Variants in ACSM4 observed in about 807,000 individuals in gnomAD.
ACSM4 encodes the protein acyl-CoA synthetase medium chain family member 4.
Under a neutral mutation model 73.0 loss-of-function variants are expected in ACSM4, and 66 were observed. The observed-to-expected ratio is 0.90, with a 90% CI of 0.74 to 1.11. The LOEUF (loss-of-function observed/expected upper bound fraction) is 1.11, where lower values mean the gene tolerates loss of function less well. ACSM4 is among the 50% of genes least tolerant of loss of function. The pLI, the probability that ACSM4 is intolerant of heterozygous loss-of-function variation, is 0.00. For missense variants in ACSM4, 645 were observed against 714.4 expected (o/e 0.90, Z 1.11); for synonymous variants, 222 against 254.0 (o/e 0.87, Z 1.20).
intron 11 of ACSM4, 100 bp from the exon 12 acceptor site, chr12:7,326,876 G>C: frequency 7.6e-7 from 1 of 1,319,476 alleles, no homozygotes; most frequent in Non-Finnish European, 1.0e-6. Context: ...CACACAAACT[G>C]TTATTAATAA....
At chr12:7,312,174 A>G in intron 3 of ACSM4, among the ~76,000 whole-genome samples, 1 of 152,234 alleles carries the variant, frequency 6.6e-6, no homozygotes, top group Non-Finnish European at 1.5e-5. Context: ...CATAAGTTCT[A>G]AGAAAGCAGA....
At chr12:7,320,571 T>C (rs912298055) in intron 5 of ACSM4, among the ~76,000 whole-genome samples, 154 bp from the exon 6 acceptor site, 1 of 152,224 alleles carries the variant, frequency 6.6e-6, no homozygotes, top group African/African-American at 2.4e-5. Flanking sequence ...ATACAGTCAC[T>C]AGTGACAAGT....
intron 3 of ACSM4, among the ~76,000 whole-genome samples, chr12:7,314,997 A>G (rs1946411198): frequency 6.6e-6 from 1 of 152,106 alleles, no homozygotes; most frequent in Non-Finnish European, 1.5e-5. Context: ...GGAGTTCAAG[A>G]CCAGTCTGGC....
chr12:7,324,465 G>A (rs1357302510), intron 10 of ACSM4, 34 bp from the exon 11 acceptor site: 1 of 1,613,924 alleles, frequency 6.2e-7, no homozygotes. Flanking sequence ...TAACTTGGAG[G>A]ATGTGGTGGT....
At chr12:7,310,455 G>A in intron 2 of ACSM4, 84 bp from the exon 3 acceptor site, 1 of 1,319,818 alleles carries the variant, frequency 7.6e-7, no homozygotes, top group Non-Finnish European at 1.0e-6. Flanking sequence ...GGATTGTGAT[G>A]CTTCTCCTCA....
At chr12:7,326,609 C>G (rs1946507939) in intron 11 of ACSM4, among the ~76,000 whole-genome samples, 1 of 152,188 alleles carries the variant, frequency 6.6e-6, no homozygotes, top group Non-Finnish European at 1.5e-5. Flanking sequence ...TCCATTTGTT[C>G]CCCTGCTACA....
At position 7,315,191 on chromosome 12, in the gene ACSM4, G is replaced by A. The variant is rs776936640; in HGVS notation, c.621-1946G>A. On this transcript the variant is annotated intron_variant, in intron 3 of 12. Coordinates refer to ENST00000399422, the MANE Select transcript of ACSM4 (RefSeq NM_001080454.2). ...AGCTTGCATGGCAGAGTAAAACTCC[G>A]TCTCAAAAAAAAAAAAAAAAATCCT... 2.0e-4 allele frequency among the ~76,000 whole-genome samples: 27 copies of A among 135,826 alleles called. 1 individual carries two copies. In the Middle Eastern group the frequency reaches 0.022, roughly 111 times the overall value. 89.1% of individuals were successfully genotyped at this position (135,826 alleles called of 152,430 possible). A position where few individuals can be genotyped will look rare whatever the true frequency, so the allele number is the denominator to read the frequency against.
At chr12:7,308,188 G>A (rs537746573) in intron 2 of ACSM4, among the ~76,000 whole-genome samples, 79 of 152,132 alleles carry the variant, frequency 5.2e-4, no homozygotes, top group Middle Eastern at 3.4e-3. Flanking sequence ...TATAAAATTC[G>A]TTTATATAAA....
In ACSM4 at chr12:7,304,493, T is replaced by G. The variant is rs768789960; in HGVS notation, c.162T>G (p.Phe54Leu). Residue 54 changes from phenylalanine (F) to leucine (L), a missense_variant, in exon 1 of 13, where the codon TTT becomes TTG. Transcript: ENST00000399422. ...GGCCATTGCCTAAAAACTTTAACTT[T>G]GCTGCAGATGTGCTGGACCAGTGGT... ...CNRPLPKNFN[F>L]AADVLDQWSQ... 3.1e-6 allele frequency: 5 copies of G among 1,613,906 alleles called. No individual in the cohort carries two copies. The Admixed American group carries it at 6.7e-5, about 22-fold the overall frequency.
rs138592119 is a variant in ACSM4 at position 7,315,163 on chromosome 12, T to C, written c.621-1974T>C. On this transcript the variant is annotated intron_variant, in intron 3 of 12. Coordinates refer to ENST00000399422, the MANE Select transcript of ACSM4 (RefSeq NM_001080454.2). ...GTGAGCCGAGATTATGCCACTGCAC[T>C]CCAGCTTGCATGGCAGAGTAAAACT... 1.1e-4 allele frequency among the ~76,000 whole-genome samples: 16 copies of C among 145,662 alleles called. No homozygotes were observed. The East Asian group carries it at 2.4e-3, about 22-fold the overall frequency.
Position 7,328,302 on chromosome 12 carries a change from G to C in ACSM4, c.1672G>C (p.Glu558Gln), listed in dbSNP as rs1302933012. The change falls in exon 13 of 13, where the codon GAA (glutamate) becomes CAA (glutamine). Residue 558 changes from glutamate to glutamine, a missense_variant. Coordinates refer to ENST00000399422, the MANE Select transcript of ACSM4 (RefSeq NM_001080454.2). ...KYPRKVEFVQ[E>Q]LPKTITGKIK... ...TGTCAATTAGGTGGAATTTGTTCAA[G>C]AACTCCCAAAGACAATCACTGGGAA... 3 of 1,587,760 alleles carry C rather than the reference G, an allele frequency of 1.9e-6. No individual in the cohort carries two copies. The highest frequency in any genetic ancestry group is 1.2e-5 in the South Asian group (1 of 86,516).
intron 2 of ACSM4, 143 bp downstream of exon 2, chr12:7,306,886 T>C (rs1180762972): frequency 1.5e-5 from 13 of 846,652 alleles, no homozygotes; most frequent in Non-Finnish European, 2.3e-5. Flanking sequence ...GCAATCATGA[T>C]ATAATAATAA....
intron 10 of ACSM4, 30 bp from the exon 11 acceptor site, chr12:7,324,469 T>C (rs1407847127): frequency 5.0e-6 from 8 of 1,613,942 alleles, no homozygotes; most frequent in Non-Finnish European, 5.9e-6. Context: ...TTGGAGGATG[T>C]GGTGGTCAAA....
chr12:7,317,342 CAACT>C (rs1946428815), intron 4 of ACSM4, 62 bp downstream of exon 4: 3 of 1,475,048 alleles, frequency 2.0e-6, no homozygotes, highest in African/African-American at 1.4e-5. Flanking sequence ...TATGCGTATC[CAACT>C]AACTGATACT....
chr12:7,322,937 C>T (rs955999634), intron 7 of ACSM4, among the ~76,000 whole-genome samples: 1 of 152,154 alleles, frequency 6.6e-6, no homozygotes, highest in African/African-American at 2.4e-5. Flanking sequence ...GCAACATCAA[C>T]ATCATCTAGG....
At chr12:7,324,168 A>AT in intron 9 of ACSM4, 105 bp from the exon 10 acceptor site, 1 of 1,364,312 alleles carries the variant, frequency 7.3e-7, no homozygotes, top group Non-Finnish European at 9.8e-7. Context: ...AAAAAAAAAA[A>AT]TTTCCTATAT....
chr12:7,326,927 A>T, intron 11 of ACSM4, 49 bp from the exon 12 acceptor site: 1 of 1,535,662 alleles, frequency 6.5e-7, no homozygotes. Context: ...CAAATCCTTG[A>T]TGTGTCTGAA....
Position 7,323,542 on chromosome 12 carries a change from T to C in ACSM4, c.1290T>C (p.Cys430=), listed in dbSNP as rs1946480672. 1 of 1,613,352 alleles carries C rather than the reference T, an allele frequency of 6.2e-7. No homozygotes were observed. Among genetic ancestry groups the C allele is most frequent in the Non-Finnish European group, 8.5e-7 (1 of 1,179,502 alleles). Residue 430 remains cysteine (C), a synonymous_variant, in exon 9 of 13, where the codon TGT becomes TGC. Coordinates refer to ENST00000399422, the MANE Select transcript of ACSM4 (RefSeq NM_001080454.2). ...ALRLKPTRPF[C]FFSKYVDNPQ... is the part of the protein sequence containing the mutation. ...GACTCAAACCTACACGGCCCTTCTG[T>C]TTCTTCTCTAAATATGTGGTATGAG...
In ACSM4 at chr12:7,304,473, T is replaced by C; in HGVS notation, c.142T>C (p.Leu48=). 6.2e-7 allele frequency: 1 copy of C among 1,613,992 alleles called. No homozygotes were observed. Among genetic ancestry groups the C allele is most frequent in the Non-Finnish European group, 8.5e-7 (1 of 1,179,860 alleles). ...FEAINRCNRP[L]PKNFNFAADV... ...AGCCATAAATCGCTGTAACAGGCCATTGCCTAAAAACTTTAACTTTGCTGC... is the reference window on the plus strand; with the variant it reads ...AGCCATAAATCGCTGTAACAGGCCACTGCCTAAAAACTTTAACTTTGCTGC... Residue 48 remains leucine (L), a synonymous_variant, in exon 1 of 13, where the codon TTG becomes CTG. Transcript: ENST00000399422.
Sources: gnomAD v4.1 joint callset for allele counts (sites outside exome capture counted in the v4.1 genomes callset) on GRCh38, gnomAD v4.1.1 for gene constraint, MANE v1.5 for transcripts, NCBI Gene and HGNC (gene_info 2026-07-23, HGNC 2026-07-21) for gene names.